Variants in OCA2 observed in about 807,000 individuals in gnomAD.
The protein encoded by OCA2 is OCA2 melanosomal transmembrane protein.
A neutral mutation model predicts 100.2 loss-of-function variants in OCA2; 77 were observed. The ratio of observed to expected loss-of-function variants is 0.77; its 90% CI spans 0.64 to 0.93. The LOEUF (loss-of-function observed/expected upper bound fraction) is 0.93, where lower values mean the gene tolerates loss of function less well. Ranked by LOEUF, OCA2 falls within the 40% of genes least tolerant of loss-of-function variation. OCA2 has a pLI of 0.00. For synonymous variants in OCA2, 432 were observed against 439.2 expected, an observed-to-expected ratio of 0.98 and a Z score of 0.21; for missense variants, 1,062 against 1,089.1, an observed-to-expected ratio of 0.98 and a Z score of 0.35.
At position 27,915,642 on chromosome 15, in the gene OCA2, C is replaced by T. The variant is rs141014573; in HGVS notation, c.2079+10485G>A. On this transcript the variant is annotated intron_variant, in intron 19 of 23. Transcript: ENST00000354638. The stretch of plus-strand genomic sequence containing the variant: ...GGCTAATCATGTTGCAAATCAAAAC[C>T]GAAATGAGATGGCATCTCATGCCAG... 2.3e-3 allele frequency among the ~76,000 whole-genome samples: 355 copies of T among 152,184 alleles called. 3 individuals carry two copies. The highest frequency in any genetic ancestry group is 8.2e-3 in the African/African-American group (342 of 41,544).
chr15:27,757,432 T>G (rs188498507), intron 23 of OCA2, among the ~76,000 whole-genome samples: 1 of 152,198 alleles, frequency 6.6e-6, no homozygotes, highest in Non-Finnish European at 1.5e-5. Flanking sequence ...ATTATATAGA[T>G]GAAGCAACTG....
At chr15:27,797,126 G>A (rs530025645) in intron 23 of OCA2, among the ~76,000 whole-genome samples, 5 of 152,258 alleles carry the variant, frequency 3.3e-5, no homozygotes, top group Admixed American at 1.3e-4. Flanking sequence ...TGGCACCCCC[G>A]CCTCCTTTGA....
At chr15:28,053,721 C>G (rs890477395) in intron 2 of OCA2, among the ~76,000 whole-genome samples, 5 of 152,212 alleles carry the variant, frequency 3.3e-5, no homozygotes, top group African/African-American at 1.2e-4. Flanking sequence ...CAGCACAAGA[C>G]CACACTCTCT....
chr15:27,837,670 T>C lies in OCA2; in HGVS notation c.2432+7289A>G, dbSNP rs573128181. ...CACTGGAAAACGATCCTGGTGGATT[T>C]GTGTATAGACTACGGAGAAAAGACA... On this transcript the variant is annotated intron_variant, in intron 23 of 23. Coordinates refer to ENST00000354638, the MANE Select transcript of OCA2 (RefSeq NM_000275.3). 2.6e-5 allele frequency among the ~76,000 whole-genome samples: 4 copies of C among 152,132 alleles called. No individual in the cohort carries two copies. In the East Asian group the frequency reaches 7.8e-4, roughly 30 times the overall value.
intron 23 of OCA2, among the ~76,000 whole-genome samples, chr15:27,798,707 G>A (rs1041132382): frequency 2.0e-5 from 3 of 152,098 alleles, no homozygotes; most frequent in East Asian, 3.9e-4. Flanking sequence ...GAAGATGCCC[G>A]TTAATTAATT....
At position 27,801,251 on chromosome 15, in the gene OCA2, TA is replaced by T. The variant is rs532193554; in HGVS notation, c.2432+43707del. Among the ~76,000 whole-genome samples the T allele has an allele frequency of 2.0e-5, 3 of 152,238 alleles. No homozygotes were observed. In the East Asian group the frequency reaches 5.8e-4, roughly 29 times the overall value. On this transcript the variant is annotated intron_variant, in intron 23 of 23. Transcript: ENST00000354638. ...TATATTTTTAAAACTTTAGCAAATC[TA>T]ATCCAAGAATATATTAGAAGAATAG...
chr15:27,917,226 T>G (rs2038698789), intron 19 of OCA2, among the ~76,000 whole-genome samples: 1 of 152,170 alleles, frequency 6.6e-6, no homozygotes, highest in Admixed American at 6.5e-5. Flanking sequence ...GCTATAGCAC[T>G]TTTTGAATGC....
chr15:27,740,113 G>T, the OCA2 span, among the ~76,000 whole-genome samples: 4 of 152,182 alleles, frequency 2.6e-5, no homozygotes, highest in African/African-American at 9.7e-5. Context: ...AAATGGCCTT[G>T]CTATTTACAT....
At chr15:27,892,060 A>C (rs1314158992) in intron 19 of OCA2, among the ~76,000 whole-genome samples, 3 of 152,200 alleles carry the variant, frequency 2.0e-5, no homozygotes, top group East Asian at 1.9e-4. Flanking sequence ...AGAGCAGCAA[A>C]ATACATGAAG....
chr15:28,000,499 T>C (rs1183126792), intron 9 of OCA2, among the ~76,000 whole-genome samples: 1 of 152,204 alleles, frequency 6.6e-6, no homozygotes, highest in African/African-American at 2.4e-5. Flanking sequence ...GACTTGAAAC[T>C]GTAAAACTTC....
intron 23 of OCA2, among the ~76,000 whole-genome samples, chr15:27,838,003 C>A (rs1490042895): frequency 6.6e-6 from 1 of 152,124 alleles, no homozygotes; most frequent in Non-Finnish European, 1.5e-5. Context: ...CCACCCTGTC[C>A]ACAAGTACAT....
chr15:27,770,706 C>G (rs918702372), intron 23 of OCA2, among the ~76,000 whole-genome samples: 1 of 146,796 alleles, frequency 6.8e-6, no homozygotes, highest in Non-Finnish European at 1.5e-5. Context: ...CCAGGGAGCT[C>G]TTTCCCGCTC....
intron 2 of OCA2, among the ~76,000 whole-genome samples, chr15:28,080,350 TGAG>T (rs1307041292): frequency 6.6e-6 from 1 of 152,080 alleles, no homozygotes; most frequent in African/African-American, 2.4e-5. Context: ...TACTGGGGGA[TGAG>T]GAGCAGAAAC....
At chr15:27,748,530 G>A in the OCA2 span, among the ~76,000 whole-genome samples, 1 of 152,156 alleles carries the variant, frequency 6.6e-6, no homozygotes. Context: ...AGTACACCAG[G>A]ACCTTTGTGC....
intron 6 of OCA2, 64 bp from the exon 7 acceptor site, chr15:28,018,621 C>G: frequency 4.8e-6 from 7 of 1,457,086 alleles, no homozygotes; most frequent in Non-Finnish European, 6.6e-6. Flanking sequence ...CGCCGCCCGC[C>G]AGACGCACAC....
At position 27,923,640 on chromosome 15, in the gene OCA2, T is replaced by C. The variant is rs922590831; in HGVS notation, c.2079+2487A>G. On this transcript the variant is annotated intron_variant, in intron 19 of 23. Coordinates refer to ENST00000354638, the MANE Select transcript of OCA2 (RefSeq NM_000275.3). ...ATATTGAGCTTTTATCATACACTTA[T>C]TGGCTGCGTGTATGTCTTCTTTTGA... is the stretch of plus-strand genomic sequence containing the variant. 2.0e-5 allele frequency among the ~76,000 whole-genome samples: 3 copies of C among 152,270 alleles called. 1 individual carries two copies. The highest frequency in any genetic ancestry group is 4.4e-5 in the Non-Finnish European group (3 of 68,044).
chr15:28,050,667 C>T (rs751798552), intron 2 of OCA2, among the ~76,000 whole-genome samples: 1 of 151,996 alleles, frequency 6.6e-6, no homozygotes, highest in Non-Finnish European at 1.5e-5. Flanking sequence ...ACATAATACG[C>T]ACCTATTGCT....
At chr15:27,814,438 A>ATT (rs1370340617) in intron 23 of OCA2, among the ~76,000 whole-genome samples, 1 of 152,234 alleles carries the variant, frequency 6.6e-6, no homozygotes, top group Non-Finnish European at 1.5e-5. Context: ...CAGTAACAAA[A>ATT]TTACAAAACA....
intron 19 of OCA2, among the ~76,000 whole-genome samples, chr15:27,913,178 A>T (rs1030520001): frequency 6.6e-6 from 1 of 152,204 alleles, no homozygotes; most frequent in Non-Finnish European, 1.5e-5. Flanking sequence ...ACTGAATAGT[A>T]TTTGTAGTTT....
Sources: allele counts gnomAD v4.1 joint callset (sites outside exome capture counted in the v4.1 genomes callset), GRCh38; gene constraint gnomAD v4.1.1; transcripts MANE v1.5; gene names NCBI Gene and HGNC (gene_info 2026-07-23, HGNC 2026-07-21).